The following RYR3 variants were observed in gnomAD, a reference collection of about 807,000 sequenced individuals.
RYR3 encodes the protein brain ryanodine receptor-calcium release channel.
In RYR3, 207 loss-of-function variants were observed where a neutral mutation model predicts 584.3. That is an observed-to-expected ratio of 0.35 (90% confidence interval 0.32 to 0.40). RYR3 has a LOEUF of 0.40. RYR3 is among the 10% of genes least tolerant of loss of function. The pLI, the probability that RYR3 is intolerant of heterozygous loss-of-function variation, is 1.00. For synonymous variants in RYR3, 2,416 were observed against 2,248.5 expected, an observed-to-expected ratio of 1.07 and a Z score of -2.11; for missense variants, 5,616 against 6,089.2, an observed-to-expected ratio of 0.92 and a Z score of 2.59.
At chr15:33,844,280 G>C (rs2078570077) in intron 92 of RYR3, among the ~76,000 whole-genome samples, 1 of 152,192 alleles carries the variant, frequency 6.6e-6, no homozygotes, top group African/African-American at 2.4e-5. Context: ...GAGAGGCAAA[G>C]CTTGGTTTTA....
At chr15:33,659,108 G>T in intron 32 of RYR3, among the ~76,000 whole-genome samples, 1 of 152,194 alleles carries the variant, frequency 6.6e-6, no homozygotes. Flanking sequence ...AGAGAGTGCT[G>T]CTGATGTGCA....
At position 33,841,965 on chromosome 15, in the gene RYR3, A is replaced by T; in HGVS notation, c.13139A>T (p.Lys4380Met). 6.2e-7 allele frequency: 1 copy of T among 1,603,310 alleles called. No homozygotes were observed. Among genetic ancestry groups the T allele is most frequent in the South Asian group, 1.1e-5 (1 of 88,824 alleles). ...TKKKKRRCGQ[K>M]VEKPEAFTAN... ...AAGAAGAAGCGGCGGTGTGGTCAGA[A>T]GGTTGAGAAGCCGGAAGCTTTCACA... is the stretch of plus-strand genomic sequence containing the variant. Residue 4380 changes from lysine to methionine, a missense_variant, in exon 91 of 104, where the codon AAG (lysine) becomes ATG (methionine). Physicochemically the swap from Lys to Met is moderately conservative, Grantham distance 95. Transcript: ENST00000634891.
At chr15:33,683,710 G>A (rs565401515) in intron 38 of RYR3, among the ~76,000 whole-genome samples, 2 of 152,368 alleles carry the variant, frequency 1.3e-5, no homozygotes, top group South Asian at 2.1e-4. Context: ...ACAAGGGGTC[G>A]GGGGATTTCC....
At chr15:33,640,912 T>C (rs954195069) in intron 27 of RYR3, among the ~76,000 whole-genome samples, 6 of 152,210 alleles carry the variant, frequency 3.9e-5, no homozygotes, top group Non-Finnish European at 8.8e-5. Flanking sequence ...TTTGAGGCTA[T>C]GGGTTCATTA....
chr15:33,316,629 G>A (rs1452240380), intron 1 of RYR3, among the ~76,000 whole-genome samples: 1 of 152,164 alleles, frequency 6.6e-6, no homozygotes, highest in Non-Finnish European at 1.5e-5. Context: ...TAAGAAAATT[G>A]AGGTTTCATT....
At chr15:33,735,938 A>T (rs1048208576) in intron 48 of RYR3, among the ~76,000 whole-genome samples, 2 of 152,220 alleles carry the variant, frequency 1.3e-5, no homozygotes, top group Admixed American at 1.3e-4. Flanking sequence ...TTTCTGTTAT[A>T]TTCTTTGCAC....
intron 3 of RYR3, among the ~76,000 whole-genome samples, chr15:33,514,702 T>G (rs1334814757): frequency 6.6e-6 from 1 of 151,904 alleles, no homozygotes; most frequent in Non-Finnish European, 1.5e-5. Flanking sequence ...TGCTAGGGTA[T>G]AAAAATCTCC....
rs2071688943 is a variant in RYR3 at position 33,755,172 on chromosome 15, C to G, written c.8507C>G (p.Ala2836Gly). The G allele has an allele frequency of 6.3e-7, 1 of 1,578,744 alleles. No homozygotes were observed. Among genetic ancestry groups the G allele is most frequent in the Admixed American group, 1.7e-5 (1 of 59,644 alleles). The part of the protein sequence containing the change: ...KYVDSAQEFI[A>G]HLEAIVSSGK... ...GTTGATTCTGCTCAAGAATTTATTG[C>G]CCATTTAGGTAAGTATCATCATGAA... Residue 2836 changes from alanine to glycine, a missense_variant, in exon 58 of 104, where the codon GCC becomes GGC. Ala to Gly is a moderately conservative substitution (Grantham distance 60). Coordinates refer to ENST00000634891, the MANE Select transcript of RYR3 (RefSeq NM_001036.6).
chr15:33,484,952 A>G (rs2596173), intron 2 of RYR3, among the ~76,000 whole-genome samples: 67,622 of 151,914 alleles, frequency 0.45, 15,840 homozygotes, highest in Non-Finnish European at 0.52. Context: ...TAGTAAAGGA[A>G]TTGGTAAATC....
chr15:33,372,824 T>C (rs994228541), intron 1 of RYR3, among the ~76,000 whole-genome samples: 3 of 152,218 alleles, frequency 2.0e-5, no homozygotes, highest in African/African-American at 7.2e-5. Context: ...TTTGACTCTT[T>C]AGGGCTTCAC....
chr15:33,814,066 G>C (rs1160804267), intron 74 of RYR3, among the ~76,000 whole-genome samples: 1 of 152,160 alleles, frequency 6.6e-6, no homozygotes, highest in Non-Finnish European at 1.5e-5. Context: ...ATATAGAAAG[G>C]CTGCAGATGC....
intron 67 of RYR3, among the ~76,000 whole-genome samples, chr15:33,791,604 C>T (rs894038297): frequency 6.6e-6 from 1 of 152,044 alleles, no homozygotes; most frequent in African/African-American, 2.4e-5. Flanking sequence ...TACCCGGTAG[C>T]ATTAAGAGAT....
chr15:33,421,198 G>A (rs926655917), intron 1 of RYR3, among the ~76,000 whole-genome samples: 3 of 152,156 alleles, frequency 2.0e-5, no homozygotes, highest in African/African-American at 7.2e-5. Flanking sequence ...GGTGCATAAG[G>A]AGACCAGAGA....
intron 1 of RYR3, among the ~76,000 whole-genome samples, chr15:33,345,021 A>G (rs1203524363): frequency 6.6e-6 from 1 of 152,228 alleles, no homozygotes; most frequent in African/African-American, 2.4e-5. Flanking sequence ...AAGTTTGCAC[A>G]GCTGATAAAT....
intron 45 of RYR3, 66 bp from the exon 46 acceptor site, chr15:33,726,320 G>C: frequency 6.3e-7 from 1 of 1,590,214 alleles, no homozygotes; most frequent in Non-Finnish European, 8.6e-7. Context: ...CAGAGGTTTG[G>C]AGGTGGGGTG....
chr15:33,640,850 G>A (rs935651203), intron 27 of RYR3, among the ~76,000 whole-genome samples: 1 of 152,164 alleles, frequency 6.6e-6, no homozygotes, highest in African/African-American at 2.4e-5. Flanking sequence ...GATGCATGTA[G>A]GGAGGTGGTA....
chr15:33,476,808 A>C (rs971257643), intron 2 of RYR3, among the ~76,000 whole-genome samples: 1 of 152,216 alleles, frequency 6.6e-6, no homozygotes, highest in Admixed American at 6.5e-5. Flanking sequence ...GAAGTGCGCC[A>C]TCAGGGTTCT....
chr15:33,731,189 A>G lies in RYR3; in HGVS notation c.7204-285A>G, dbSNP rs1034929430. Among the ~76,000 whole-genome samples the G allele has an allele frequency of 3.3e-5, 5 of 152,250 alleles. No homozygotes were observed. In the East Asian group the frequency reaches 9.6e-4, roughly 29 times the overall value. On this transcript the variant is annotated intron_variant, in intron 47 of 103. Coordinates refer to ENST00000634891, the MANE Select transcript of RYR3 (RefSeq NM_001036.6). ...ATGAGTTCAAAATTCTTTTGAAGGGAACAGATATTTATAGGATCATTTGGG... is the reference window on the plus strand; with the variant it reads ...ATGAGTTCAAAATTCTTTTGAAGGGGACAGATATTTATAGGATCATTTGGG...
chr15:33,659,585 T>C lies in RYR3; in HGVS notation c.4309-135T>C, dbSNP rs969353058. 4.6e-6 allele frequency: 3 copies of C among 656,024 alleles called. No homozygotes were observed. The African/African-American group carries it at 5.4e-5, about 12-fold the overall frequency. The allele number at this position is 656,024 out of a possible 1,614,324, so 40.6% of individuals were successfully genotyped here. A position where few individuals can be genotyped will look rare whatever the true frequency, so the allele number is the denominator to read the frequency against. ...CTGATAGATAACTGGTCTCTGCGAA[T>C]TTCTGAGCAGTGGAGAATGACCAGA... is the stretch of plus-strand genomic sequence containing the variant. On this transcript the variant is annotated intron_variant, in intron 32 of 103. Coordinates refer to ENST00000634891, the MANE Select transcript of RYR3 (RefSeq NM_001036.6).
Sources: gnomAD v4.1 joint callset for allele counts (sites outside exome capture counted in the v4.1 genomes callset) on GRCh38, gnomAD v4.1.1 for gene constraint, MANE v1.5 for transcripts, NCBI Gene and HGNC (gene_info 2026-07-23, HGNC 2026-07-21) for gene names.